SDCCAG8: variants seen among roughly 807,000 people sequenced by gnomAD.
SDCCAG8 encodes the protein serologically defined colon cancer antigen 8.
SDCCAG8 carries 74 observed loss-of-function variants against 101.8 expected under a neutral mutation model. That is an observed-to-expected ratio of 0.73 (90% CI 0.60 to 0.88). SDCCAG8 has a LOEUF of 0.88. Ranked by LOEUF, SDCCAG8 falls within the 40% of genes least tolerant of loss-of-function variation. The pLI, the probability that SDCCAG8 is intolerant of heterozygous loss-of-function variation, is 0.00. For synonymous variants in SDCCAG8, 281 were observed against 292.9 expected, an observed-to-expected ratio of 0.96 and a Z score of 0.41; for missense variants, 787 against 822.6, an observed-to-expected ratio of 0.96 and a Z score of 0.53.
At position 243,293,091 on chromosome 1, in the gene SDCCAG8, G is replaced by C. The variant is rs1370803511; in HGVS notation, c.547G>C (p.Gly183Arg). Residue 183 changes from glycine (G) to arginine (R), a missense_variant and splice_region_variant, in exon 6 of 18, where the codon GGA becomes CGA. By Grantham distance (125) the Gly-to-Arg change is moderately radical (BLOSUM62 -2). Transcript: ENST00000366541. ...LREQTLLDASGNMHNSWITTG... is the reference protein window; with the variant it reads ...LREQTLLDASRNMHNSWITTG... ...CAGTTACTGGCACATTTTATTTTAG[G>C]GAAACATGCACAATTCTTGGATTAC... The C allele has an allele frequency of 5.6e-6, 9 of 1,613,942 alleles. No homozygotes were observed. The highest frequency in any genetic ancestry group is 7.6e-6 in the Non-Finnish European group (9 of 1,179,950).
intron 16 of SDCCAG8, among the ~76,000 whole-genome samples, chr1:243,430,626 G>T (rs2081673009): frequency 1.3e-5 from 2 of 151,762 alleles, no homozygotes; most frequent in African/African-American, 4.8e-5. Context: ...TTTTAGTAGA[G>T]ACGGGGTTTC....
chr1:243,344,283 CAG>C lies in SDCCAG8; in HGVS notation c.1430_1431del (p.Glu477ValfsTer6). 2 of 1,613,936 alleles carry C rather than the reference CAG, an allele frequency of 1.2e-6. No homozygotes were observed. Among genetic ancestry groups the C allele is most frequent in the African/African-American group, 1.3e-5 (1 of 75,002 alleles). On this transcript the variant is annotated frameshift_variant, in exon 12 of 18. Transcript: ENST00000366541. LOFTEE classifies it high-confidence loss of function. Reference sequence around the variant, plus strand: ...AGAAGGATGAGGCAGAAAAGGAGCACAGAGAGTTCAGAGCAAAAACTAACAGG... The same window carrying C: ...AGAAGGATGAGGCAGAAAAGGAGCACAGAGTTCAGAGCAAAAACTAACAGG... The part of the protein sequence containing the change: ...MEKDEAEKEH[R>X]EFRAKTNRDL...
chr1:243,311,147 A>G (rs536620183), intron 8 of SDCCAG8, among the ~76,000 whole-genome samples: 60 of 152,358 alleles, frequency 3.9e-4, no homozygotes, highest in African/African-American at 1.4e-3. Context: ...ATTGTTTATA[A>G]TTATGTGAAC....
intron 16 of SDCCAG8, among the ~76,000 whole-genome samples, chr1:243,485,041 CT>C (rs1386593193): frequency 1.6e-5 from 2 of 125,350 alleles, no homozygotes; most frequent in African/African-American, 6.7e-5. Flanking sequence ...AAGACTCCAT[CT>C]CAAAAAAAAA....
intron 16 of SDCCAG8, among the ~76,000 whole-genome samples, chr1:243,472,262 G>A (rs1661411752): frequency 1.3e-5 from 2 of 152,176 alleles, no homozygotes; most frequent in South Asian, 4.1e-4. Flanking sequence ...AGATAAAATG[G>A]CTAGTTGATT....
intron 17 of SDCCAG8, among the ~76,000 whole-genome samples, chr1:243,491,720 G>A (rs1666455813): frequency 2.6e-5 from 4 of 152,310 alleles, no homozygotes; most frequent in Admixed American, 1.3e-4. Flanking sequence ...GTAGGTTCGA[G>A]CAGGTATTTT....
intron 1 of SDCCAG8, among the ~76,000 whole-genome samples, chr1:243,268,476 C>T (rs897022836): frequency 2.0e-5 from 3 of 152,122 alleles, no homozygotes; most frequent in East Asian, 3.9e-4. Context: ...TAGTAATCAG[C>T]GCCAAATTCA....
At chr1:243,321,434 A>C (rs945319069) in intron 9 of SDCCAG8, among the ~76,000 whole-genome samples, 3 of 146,810 alleles carry the variant, frequency 2.0e-5, no homozygotes, top group Non-Finnish European at 4.5e-5. Context: ...GCTTATGTCC[A>C]TGTGTACACA....
intron 16 of SDCCAG8, among the ~76,000 whole-genome samples, chr1:243,463,075 A>G (rs1168311044): frequency 6.6e-6 from 1 of 152,218 alleles, no homozygotes; most frequent in Non-Finnish European, 1.5e-5. Flanking sequence ...AGTCAAGTCC[A>G]CTGATGCTGT....
chr1:243,444,383 T>G lies in SDCCAG8; in HGVS notation c.1985+17825T>G, dbSNP rs558852424. ...TTTGTTTGTTTGTTTGTTTTGTTTTTTTTTTTGGGATGGAGTCTCGCTCTG... is the reference window on the plus strand; with the variant it reads ...TTTGTTTGTTTGTTTGTTTTGTTTTGTTTTTTGGGATGGAGTCTCGCTCTG... On this transcript the variant is annotated intron_variant, in intron 16 of 17. Transcript: ENST00000366541. 2.3e-3 allele frequency among the ~76,000 whole-genome samples: 343 copies of G among 152,084 alleles called. 2 individuals carry two copies. The highest frequency in any genetic ancestry group is 7.2e-3 in the African/African-American group (300 of 41,508).
chr1:243,390,499 G>C (rs1213143545), intron 13 of SDCCAG8, among the ~76,000 whole-genome samples: 4 of 152,248 alleles, frequency 2.6e-5, no homozygotes, highest in Non-Finnish European at 5.9e-5. Context: ...TCTCAGTGTG[G>C]CCCGGGGCGG....
At position 243,474,904 on chromosome 1, in the gene SDCCAG8, T is replaced by C. The variant is rs1028656061; in HGVS notation, c.1986-14110T>C. On this transcript the variant is annotated intron_variant, in intron 16 of 17. Transcript: ENST00000366541. This position sits in a 1 kb window ranked among gnomAD's most constrained non-coding sequence, Gnocchi z 4.7. Reference sequence around the variant, plus strand: ...CAGCATTTAGAATCGGGGAAAAATCTACCTTCTGTTTAGCAGTTGCTCTTT... The same window carrying C: ...CAGCATTTAGAATCGGGGAAAAATCCACCTTCTGTTTAGCAGTTGCTCTTT... Among the ~76,000 whole-genome samples the C allele has an allele frequency of 6.6e-6, 1 of 152,238 alleles. No individual in the cohort carries two copies. Among genetic ancestry groups the C allele is most frequent in the African/African-American group, 2.4e-5 (1 of 41,474 alleles).
At chr1:243,367,584 T>C (rs2077055980) in intron 12 of SDCCAG8, among the ~76,000 whole-genome samples, 2 of 151,990 alleles carry the variant, frequency 1.3e-5, no homozygotes, top group Admixed American at 1.3e-4. Flanking sequence ...TCTGCTTTTC[T>C]GCCAAGGAAG....
intron 12 of SDCCAG8, among the ~76,000 whole-genome samples, chr1:243,372,029 G>C (rs990421881): frequency 6.6e-6 from 1 of 152,014 alleles, no homozygotes; most frequent in African/African-American, 2.4e-5. Flanking sequence ...GTTAATAAAA[G>C]TATGAACTAG....
At chr1:243,468,221 G>GTTT (rs777469574) in intron 16 of SDCCAG8, among the ~76,000 whole-genome samples, 2 of 141,198 alleles carry the variant, frequency 1.4e-5, no homozygotes, top group Non-Finnish European at 1.6e-5. Flanking sequence ...TTCTTCAAAG[G>GTTT]TTTTTTTTTT....
In SDCCAG8 at chr1:243,256,239, G is replaced by A; in HGVS notation, c.66G>A (p.Arg22=). 1 of 1,614,108 alleles carries A rather than the reference G, an allele frequency of 6.2e-7. No homozygotes were observed. Among genetic ancestry groups the A allele is most frequent in the Non-Finnish European group, 8.5e-7 (1 of 1,179,922 alleles). ...EILGQYQRSL[R]EHASRSIHQL... is the part of the protein sequence containing the mutation. ...TGGGGCAGTATCAACGGAGTCTCCG[G>A]GGTGAGTTGCTCCAAACCTCTGTCC... Residue 22 remains arginine, a splice_region_variant and synonymous_variant, in exon 1 of 18, where the codon CGG becomes CGA. Transcript: ENST00000366541.
intron 6 of SDCCAG8, among the ~76,000 whole-genome samples, chr1:243,298,350 C>CTT (rs35061154): frequency 0.052 from 2,678 of 51,020 alleles, 115 homozygotes; most frequent in Middle Eastern, 0.083. Flanking sequence ...CGCACCCTGC[C>CTT]TTTTTTTTTT....
chr1:243,326,921 TTAATAAAACCA>T (rs1242534841), intron 9 of SDCCAG8, among the ~76,000 whole-genome samples: 1 of 152,184 alleles, frequency 6.6e-6, no homozygotes, highest in Admixed American at 6.5e-5. Flanking sequence ...ACCCTTTGGC[TTAATAAAACCA>T]GGACTGGGAA....
At chr1:243,387,177 C>T (rs959085859) in intron 13 of SDCCAG8, among the ~76,000 whole-genome samples, 1 of 152,180 alleles carries the variant, frequency 6.6e-6, no homozygotes, top group Non-Finnish European at 1.5e-5. Flanking sequence ...AATAAAGCAA[C>T]CACTTCTTAC....
Sources: allele counts gnomAD v4.1 joint callset (sites outside exome capture counted in the v4.1 genomes callset), GRCh38; gene constraint gnomAD v4.1.1; non-coding constraint Gnocchi (gnomAD v3.1); transcripts MANE v1.5; gene names NCBI Gene and HGNC (gene_info 2026-07-23, HGNC 2026-07-21).